Variants in INSL6 observed in about 807,000 individuals in gnomAD.
The protein encoded by INSL6 is insulin like 6.
In INSL6, 16 loss-of-function variants were observed where a neutral mutation model predicts 9.4. The observed-to-expected ratio is 1.70, with a 90% CI of 1.15 to 2.59. INSL6 has a LOEUF of 2.59. Among genes scored for constraint, INSL6 ranks in the 30% most tolerant of loss-of-function variants. The pLI, the probability that INSL6 is intolerant of heterozygous loss-of-function variation, is 0.00. For synonymous variants in INSL6, 154 were observed against 96.9 expected (o/e 1.59, Z -3.46); for missense variants, 391 against 257.3 (o/e 1.52, Z -3.56).
the INSL6 span, among the ~76,000 whole-genome samples, chr9:5,077,059 A>G: frequency 6.6e-6 from 1 of 151,964 alleles, no homozygotes. Context: ...ACTATAGACA[A>G]TTGTTAGTAA....
At chr9:5,077,456 T>G in the INSL6 span, 1 of 1,104,068 alleles carries the variant, frequency 9.1e-7, no homozygotes, top group Non-Finnish European at 1.2e-6. Context: ...AATGCAGATA[T>G]TCTGGTTCAG....
chr9:5,132,152 G>A (rs1357233157), intron 3 of INSL6: 2 of 152,148 alleles, frequency 1.3e-5, no homozygotes, highest in Admixed American at 1.3e-4. Context: ...CTAGAACAGT[G>A]AGCATACCAT....
the INSL6 span, chr9:5,050,651 A>T: frequency 6.3e-7 from 1 of 1,583,696 alleles, no homozygotes; most frequent in Admixed American, 1.7e-5. Flanking sequence ...AATGAAACTT[A>T]CGATGAGATA....
chr9:5,151,826 C>G (rs935417286), intron 2 of INSL6, among the ~76,000 whole-genome samples: 1 of 151,882 alleles, frequency 6.6e-6, no homozygotes, highest in Non-Finnish European at 1.5e-5. Context: ...ATTAAACACT[C>G]CAAATGAAAA....
the INSL6 span, among the ~76,000 whole-genome samples, chr9:5,018,980 G>A: frequency 4.6e-5 from 7 of 152,126 alleles, no homozygotes; most frequent in Admixed American, 4.6e-4. Flanking sequence ...TCTGACAACA[G>A]TTCTCTCTTT....
At chr9:5,121,610 C>T (rs952418661), downstream of INSL6, among the ~76,000 whole-genome samples, 1 of 152,118 alleles carries the variant, frequency 6.6e-6, no homozygotes, top group Non-Finnish European at 1.5e-5. Context: ...TTGAGAAAGA[C>T]ATTCATGGGT....
chr9:5,079,274 A>G, the INSL6 span, among the ~76,000 whole-genome samples: 2 of 148,318 alleles, frequency 1.3e-5, no homozygotes, highest in South Asian at 2.1e-4. Context: ...GTATTTGTCA[A>G]TCAATCTATT....
intron 2 of INSL6, among the ~76,000 whole-genome samples, chr9:5,137,342 G>T (rs1194446823): frequency 6.6e-6 from 1 of 152,114 alleles, no homozygotes. Context: ...AACAAAGCTG[G>T]AGGCATCACA....
the INSL6 span, among the ~76,000 whole-genome samples, chr9:5,017,576 G>A: frequency 1.3e-5 from 2 of 152,020 alleles, no homozygotes; most frequent in African/African-American, 4.8e-5. Context: ...GTAATGTAAT[G>A]TTGTTTGACA....
At chr9:5,003,338 G>C in the INSL6 span, among the ~76,000 whole-genome samples, 2 of 151,732 alleles carry the variant, frequency 1.3e-5, no homozygotes, top group Non-Finnish European at 3.0e-5. Flanking sequence ...GAGTTTTTCT[G>C]TATTCTTATA....
At chr9:5,137,325 C>G (rs1824404440) in intron 2 of INSL6, among the ~76,000 whole-genome samples, 1 of 152,066 alleles carries the variant, frequency 6.6e-6, no homozygotes, top group Non-Finnish European at 1.5e-5. Flanking sequence ...CAATCCTAAG[C>G]AAAAAGAACA....
the INSL6 span, among the ~76,000 whole-genome samples, chr9:5,106,311 G>A: frequency 6.6e-6 from 1 of 152,164 alleles, no homozygotes; most frequent in Admixed American, 6.5e-5. Context: ...TATCATCACT[G>A]GTCATCAGAG....
the INSL6 span, among the ~76,000 whole-genome samples, chr9:5,011,563 A>G: frequency 6.6e-6 from 1 of 152,170 alleles, no homozygotes; most frequent in Non-Finnish European, 1.5e-5. Context: ...TTTACTGTAA[A>G]TTCTATTACA....
chr9:5,077,597 T>C, the INSL6 span: 14 of 1,444,814 alleles, frequency 9.7e-6, no homozygotes, highest in African/African-American at 3.0e-5. Flanking sequence ...AGTACAACCT[T>C]TTTATCAAAA....
chr9:5,162,503 G>A (rs578238078), downstream of INSL6, among the ~76,000 whole-genome samples: 91 of 152,302 alleles, frequency 6.0e-4, no homozygotes, highest in African/African-American at 2.1e-3. Flanking sequence ...TCAACTACAA[G>A]TACAGACCTA....
chr9:5,091,553 G>T, the INSL6 span: 1 of 152,000 alleles, frequency 6.6e-6, no homozygotes, highest in African/African-American at 2.4e-5. Context: ...GGTGGTTGCT[G>T]GTTGATCATT....
chr9:5,163,645 G>A (rs10758674), downstream of INSL6, among the ~76,000 whole-genome samples: 54,840 of 151,876 alleles, frequency 0.36, 10,720 homozygotes, highest in African/African-American at 0.53. Flanking sequence ...AGTTTCAACC[G>A]TAATGACAAG....
chr9:5,036,531 A>G, the INSL6 span, among the ~76,000 whole-genome samples: 1 of 152,364 alleles, frequency 6.6e-6, no homozygotes, highest in East Asian at 1.9e-4. Context: ...AAACAGAGAT[A>G]TAGACCAATG....
chr9:5,068,096 G>A, the INSL6 span, among the ~76,000 whole-genome samples: 1 of 151,294 alleles, frequency 6.6e-6, no homozygotes, highest in Non-Finnish European at 1.5e-5. Flanking sequence ...GGAGGTGGAG[G>A]TTGCAGTGAG....
Sources: gnomAD v4.1 joint callset for allele counts (sites outside exome capture counted in the v4.1 genomes callset) on GRCh38, gnomAD v4.1.1 for gene constraint, MANE v1.5 for transcripts, NCBI Gene and HGNC (gene_info 2026-07-23, HGNC 2026-07-21) for gene names.